The following SGCD variants were observed in gnomAD, a reference collection of about 807,000 sequenced individuals.
SGCD encodes sarcoglycan delta.
Under a neutral mutation model 36.6 loss-of-function variants are expected in SGCD, and 18 were observed. The observed-to-expected ratio is 0.49, with a 90% CI of 0.34 to 0.73. SGCD has a LOEUF of 0.73. Among genes scored for constraint, SGCD ranks in the 30% least tolerant of loss-of-function variants. The probability of loss-of-function intolerance (pLI) is 0.01; values close to 1 mark genes in which losing one functional copy is unlikely to be tolerated. For synonymous variants in SGCD, 133 were observed against 130.6 expected (o/e 1.02, Z -0.12); for missense variants, 387 against 346.7 (o/e 1.12, Z -0.92).
intron 3 of SGCD, among the ~76,000 whole-genome samples, chr5:156,422,521 C>A (rs1037585790): frequency 6.6e-6 from 1 of 152,024 alleles, no homozygotes; most frequent in African/African-American, 2.4e-5. Context: ...CAGAAGGATT[C>A]ACTGAAAATG....
chr5:156,362,357 G>A (rs1021553688), intron 3 of SGCD, among the ~76,000 whole-genome samples: 1 of 152,234 alleles, frequency 6.6e-6, no homozygotes, highest in African/African-American at 2.4e-5. Flanking sequence ...TTTAGAAATA[G>A]CATTCGAGGC....
chr5:155,907,906 T>C (rs1756552865), intron 1 of SGCD, among the ~76,000 whole-genome samples: 1 of 152,156 alleles, frequency 6.6e-6, no homozygotes, highest in African/African-American at 2.4e-5. Context: ...CATAGCATGC[T>C]ACAGAGAAAT....
At chr5:156,188,671 C>G (rs374622385) in intron 3 of SGCD, among the ~76,000 whole-genome samples, 1 of 133,984 alleles carries the variant, frequency 7.5e-6, no homozygotes, top group Non-Finnish European at 1.6e-5. Flanking sequence ...CCCAACCGCC[C>G]CCCCCGACAC....
chr5:156,251,662 C>T (rs1430029798), intron 3 of SGCD, among the ~76,000 whole-genome samples: 1 of 151,684 alleles, frequency 6.6e-6, no homozygotes, highest in East Asian at 1.9e-4. Context: ...CTACAGGCAC[C>T]CGCCACCACA....
chr5:155,894,315 C>T (rs1018114118), intron 1 of SGCD, among the ~76,000 whole-genome samples: 2 of 152,132 alleles, frequency 1.3e-5, no homozygotes, highest in African/African-American at 4.8e-5. Context: ...TTTTTCGGCT[C>T]CATTATAATC....
At chr5:156,649,716 T>TG (rs905865921) in intron 7 of SGCD, among the ~76,000 whole-genome samples, 4 of 55,098 alleles carry the variant, frequency 7.3e-5, no homozygotes, top group Non-Finnish European at 1.5e-4. Context: ...TGTTGTGGGG[T>TG]GGGGGGAGAG....
chr5:156,365,973 C>G (rs1424402443), intron 3 of SGCD, among the ~76,000 whole-genome samples: 3 of 152,134 alleles, frequency 2.0e-5, no homozygotes, highest in Non-Finnish European at 2.9e-5. Flanking sequence ...ACATAAATCT[C>G]TGTAAGCAAG....
At chr5:155,762,443 C>T in the SGCD span, among the ~76,000 whole-genome samples, 1 of 152,158 alleles carries the variant, frequency 6.6e-6, no homozygotes, top group African/African-American at 2.4e-5. Context: ...ATAACTATGA[C>T]ATCTTTCTTG....
At chr5:156,101,837 T>G (rs1194806443) in intron 1 of SGCD, among the ~76,000 whole-genome samples, 14 of 152,016 alleles carry the variant, frequency 9.2e-5, no homozygotes, top group Non-Finnish European at 2.1e-4. Context: ...TCATAAATTC[T>G]TTGATTAAAT....
At chr5:156,497,584 T>A (rs1275955064) in intron 3 of SGCD, among the ~76,000 whole-genome samples, 1 of 151,886 alleles carries the variant, frequency 6.6e-6, no homozygotes, top group African/African-American at 2.4e-5. Flanking sequence ...CAGTTACATA[T>A]GTATAATGCT....
At chr5:155,751,175 AT>A in the SGCD span, among the ~76,000 whole-genome samples, 1 of 152,224 alleles carries the variant, frequency 6.6e-6, no homozygotes, top group Non-Finnish European at 1.5e-5. Context: ...ATTTTCAAGT[AT>A]GATGATAAGA....
rs539087820 is a variant in SGCD, at chr5:156,287,250, A to G, written c.-43-42284A>G. Among the ~76,000 whole-genome samples, 6 of 152,290 alleles carry G rather than the reference A, an allele frequency of 3.9e-5. No individual in the cohort carries two copies. The East Asian group carries it at 9.7e-4, about 25-fold the overall frequency. ...GAATACAGAATCTCATACTCCACTC[A>G]TAGGTATTCTTATTCAGCAGATCTG... On this transcript the variant is annotated intron_variant, in intron 3 of 9. Transcript: ENST00000517913.
At chr5:156,676,833 C>T (rs1561852011) in intron 7 of SGCD, among the ~76,000 whole-genome samples, 5 of 152,162 alleles carry the variant, frequency 3.3e-5, no homozygotes, top group Admixed American at 1.3e-4. Context: ...ATTCCTTACA[C>T]AGATATTTGA....
At chr5:155,959,054 A>G (rs565640443) in intron 1 of SGCD, among the ~76,000 whole-genome samples, 63 of 152,246 alleles carry the variant, frequency 4.1e-4, no homozygotes, top group African/African-American at 1.4e-3. Flanking sequence ...TTCTTTCCAC[A>G]TTAGGACATC....
chr5:156,690,999 G>A (rs1034444827), intron 7 of SGCD, among the ~76,000 whole-genome samples: 3 of 151,894 alleles, frequency 2.0e-5, no homozygotes, highest in African/African-American at 7.3e-5. Flanking sequence ...TTGAGGTCAG[G>A]AGTTCAAGAC....
At chr5:155,856,790 A>G in the SGCD span, among the ~76,000 whole-genome samples, 1 of 152,228 alleles carries the variant, frequency 6.6e-6, no homozygotes, top group Admixed American at 6.5e-5. Flanking sequence ...GAAAACTACA[A>G]TGAGATACCA....
chr5:156,635,652 C>T (rs1185018197), intron 6 of SGCD, among the ~76,000 whole-genome samples: 5 of 152,034 alleles, frequency 3.3e-5, no homozygotes, highest in South Asian at 4.1e-4. Flanking sequence ...CCAACAATGA[C>T]AGACTGGATT....
At chr5:156,305,347 C>A (rs1441612923) in intron 3 of SGCD, among the ~76,000 whole-genome samples, 5 of 152,140 alleles carry the variant, frequency 3.3e-5, no homozygotes, top group African/African-American at 7.2e-5. Flanking sequence ...TGAAAGGGGC[C>A]AACATAGAGC....
chr5:155,881,147 A>T (rs569260654), intron 1 of SGCD, among the ~76,000 whole-genome samples: 3 of 152,096 alleles, frequency 2.0e-5, no homozygotes, highest in African/African-American at 7.2e-5. Flanking sequence ...CTGATTTTCA[A>T]TCTATCACAA....
Sources: gnomAD v4.1 joint callset for allele counts (sites outside exome capture counted in the v4.1 genomes callset) on GRCh38, gnomAD v4.1.1 for gene constraint, MANE v1.5 for transcripts, NCBI Gene and HGNC (gene_info 2026-07-23, HGNC 2026-07-21) for gene names.